Variants in RYR2 observed in about 807,000 individuals in gnomAD.
The protein encoded by RYR2 is ryanodine receptor 2.
A neutral mutation model predicts 601.1 loss-of-function variants in RYR2; 227 were observed. The observed-to-expected ratio is 0.38, with a 90% CI of 0.34 to 0.42. The LOEUF (loss-of-function observed/expected upper bound fraction) is 0.42, where lower values mean the gene tolerates loss of function less well. Among genes scored for constraint, RYR2 ranks in the 10% least tolerant of loss-of-function variants. The pLI is 1.00. For synonymous variants in RYR2, 2,223 were observed against 2,175.1 expected (o/e 1.02, Z -0.61); for missense variants, 4,646 against 6,156.5 (o/e 0.75, Z 8.21).
At chr1:237,672,097 C>T (rs148194812) in intron 58 of RYR2, among the ~76,000 whole-genome samples, 6 of 152,190 alleles carry the variant, frequency 3.9e-5, no homozygotes, top group East Asian at 1.9e-4. Flanking sequence ...GGAGGAGCAA[C>T]GTAAATGTCC....
intron 2 of RYR2, among the ~76,000 whole-genome samples, chr1:237,282,514 T>C (rs940506163): frequency 6.6e-6 from 1 of 152,164 alleles, no homozygotes; most frequent in Non-Finnish European, 1.5e-5. Flanking sequence ...GAAAGTATTA[T>C]ATTGCTAAAG....
intron 48 of RYR2, among the ~76,000 whole-genome samples, chr1:237,648,012 C>T (rs183862794): frequency 6.6e-5 from 10 of 152,110 alleles, no homozygotes; most frequent in African/African-American, 1.9e-4. Context: ...TGTTCTAAGA[C>T]GTGAAAATGT....
chr1:237,356,438 T>G (rs932223406), intron 4 of RYR2, among the ~76,000 whole-genome samples: 1 of 151,660 alleles, frequency 6.6e-6, no homozygotes, highest in African/African-American at 2.4e-5. Flanking sequence ...ACCTTTTTTT[T>G]TTTTTGGTAT....
At chr1:237,089,202 A>G (rs1055622637) in intron 1 of RYR2, among the ~76,000 whole-genome samples, 1 of 152,256 alleles carries the variant, frequency 6.6e-6, no homozygotes, top group Non-Finnish European at 1.5e-5. Context: ...TAACTGTATT[A>G]CATAACGGAG....
intron 1 of RYR2, among the ~76,000 whole-genome samples, chr1:237,070,076 G>T (rs922819286): frequency 2.8e-5 from 4 of 144,286 alleles, no homozygotes; most frequent in African/African-American, 1.0e-4. Flanking sequence ...TGTTGCCCAG[G>T]TTGGAGTGCA....
chr1:237,323,423 G>A (rs1165809120), intron 2 of RYR2, among the ~76,000 whole-genome samples: 1 of 152,150 alleles, frequency 6.6e-6, no homozygotes, highest in Non-Finnish European at 1.5e-5. Flanking sequence ...ATATATGTGA[G>A]CTGATGTGAT....
intron 10 of RYR2, among the ~76,000 whole-genome samples, chr1:237,413,834 T>C (rs1704674967): frequency 6.6e-6 from 1 of 152,144 alleles, no homozygotes; most frequent in Admixed American, 6.6e-5. Context: ...TTTATTTACA[T>C]GTTTTATTTA....
At chr1:237,804,409 C>G (rs556865128) in intron 98 of RYR2, among the ~76,000 whole-genome samples, 1 of 151,938 alleles carries the variant, frequency 6.6e-6, no homozygotes, top group African/African-American at 2.4e-5. Flanking sequence ...TAGCTCAGCC[C>G]CCTCTTTTTA....
intron 10 of RYR2, among the ~76,000 whole-genome samples, chr1:237,400,269 C>G (rs1266302773): frequency 1.3e-5 from 2 of 152,152 alleles, no homozygotes; most frequent in Non-Finnish European, 2.9e-5. Flanking sequence ...GGACAAAGAG[C>G]AAAGATTTCT....
At chr1:237,557,635 G>T (rs1250565653) in intron 27 of RYR2, among the ~76,000 whole-genome samples, 1 of 151,970 alleles carries the variant, frequency 6.6e-6, no homozygotes, top group Non-Finnish European at 1.5e-5. Context: ...AACAAAACTG[G>T]AGATGAGGAC....
chr1:237,171,048 C>G (rs375277425), intron 1 of RYR2, among the ~76,000 whole-genome samples: 5 of 151,930 alleles, frequency 3.3e-5, no homozygotes, highest in African/African-American at 1.2e-4. Flanking sequence ...TCCTGGCTAA[C>G]ACAGTGAAAC....
rs755101590 is a variant in RYR2 at position 237,625,715 on chromosome 1, G to C, written c.6077G>C (p.Arg2026Thr). 6.8e-6 allele frequency: 11 copies of C among 1,613,740 alleles called. No homozygotes were observed. The highest frequency in any genetic ancestry group is 9.3e-6 in the Non-Finnish European group (11 of 1,179,826). ...GATGGAAACAGTGATTTAACAATTAGAGGGCGTCTGCTATCCCTGGTAGAA... is the reference window on the plus strand; with the variant it reads ...GATGGAAACAGTGATTTAACAATTACAGGGCGTCTGCTATCCCTGGTAGAA... ...SLDGNSDLTIRGRLLSLVEKV... is the reference protein window; with the variant it reads ...SLDGNSDLTITGRLLSLVEKV... The change falls in exon 40 of 105, where the codon AGA becomes ACA. Residue 2026 changes from arginine to threonine, a missense_variant. Around this residue, in one of 17 missense-constraint regions of RYR2, gnomAD observed 170 missense variants for 184.5 expected, o/e 0.92. Coordinates refer to ENST00000366574, the MANE Select transcript of RYR2 (RefSeq NM_001035.3).
intron 34 of RYR2, among the ~76,000 whole-genome samples, chr1:237,597,294 A>ATT (rs3057358): frequency 2.1e-5 from 3 of 144,704 alleles, no homozygotes; most frequent in African/African-American, 7.6e-5. Context: ...AGTCCAGAGT[A>ATT]TTTTTTTTTT....
At chr1:237,478,487 T>C (rs771277036) in intron 17 of RYR2, among the ~76,000 whole-genome samples, 1 of 152,216 alleles carries the variant, frequency 6.6e-6, no homozygotes, top group Admixed American at 6.5e-5. Context: ...TTAGCAGTTG[T>C]TGGTAGCTAC....
intron 2 of RYR2, among the ~76,000 whole-genome samples, chr1:237,300,576 C>G (rs2149451471): frequency 6.6e-6 from 1 of 152,224 alleles, no homozygotes. Context: ...TTTCAGTGAT[C>G]CTGTATACTT....
intron 10 of RYR2, among the ~76,000 whole-genome samples, chr1:237,403,196 C>T (rs1251882474): frequency 2.6e-5 from 4 of 151,950 alleles, no homozygotes; most frequent in Non-Finnish European, 5.9e-5. Context: ...AACTATGACC[C>T]CTAAATAAGA....
chr1:237,352,914 T>A (rs767621334), intron 3 of RYR2: 2 of 501,446 alleles, frequency 4.0e-6, no homozygotes, highest in Non-Finnish European at 8.0e-6. Context: ...CCATCTTACA[T>A]AAAAAATCAA....
intron 63 of RYR2, among the ~76,000 whole-genome samples, chr1:237,697,445 A>C (rs1290511608): frequency 7.0e-6 from 1 of 142,786 alleles, no homozygotes; most frequent in South Asian, 2.1e-4. Flanking sequence ...ATATATATTT[A>C]TGTAAATATA....
intron 63 of RYR2, among the ~76,000 whole-genome samples, chr1:237,694,066 G>A (rs549708686): frequency 2.6e-5 from 4 of 152,058 alleles, no homozygotes; most frequent in African/African-American, 7.2e-5. Context: ...AGGCTGAGGC[G>A]GGCGGATCAC....
Sources: allele counts gnomAD v4.1 joint callset (sites outside exome capture counted in the v4.1 genomes callset), GRCh38; gene constraint gnomAD v4.1.1; regional missense constraint gnomAD v4.1.1; transcripts MANE v1.5; gene names NCBI Gene and HGNC (gene_info 2026-07-23, HGNC 2026-07-21).